The following KCNN2 variants were observed in gnomAD, a reference collection of about 807,000 sequenced individuals.
KCNN2 encodes the protein small conductance calcium-activated potassium channel protein 2.
A neutral mutation model predicts 55.5 loss-of-function variants in KCNN2; 24 were observed. The ratio of observed to expected loss-of-function variants is 0.43; its 90% CI spans 0.31 to 0.61. KCNN2 has a LOEUF of 0.61. Among genes scored for constraint, KCNN2 ranks in the 20% least tolerant of loss-of-function variants. KCNN2 has a pLI of 0.08. For synonymous variants in KCNN2, 431 were observed against 336.1 expected (o/e 1.28, Z -3.09); for missense variants, 754 against 853.6 (o/e 0.88, Z 1.45).
intron 1 of KCNN2, among the ~76,000 whole-genome samples, chr5:114,065,181 A>G (rs907586835): frequency 6.6e-6 from 1 of 152,176 alleles, no homozygotes; most frequent in African/African-American, 2.4e-5. Flanking sequence ...TGCGAAGAGG[A>G]ACTATCCCTT....
At chr5:114,272,352 ACATAC>A (rs774882406) in intron 2 of KCNN2, among the ~76,000 whole-genome samples, 1,851 of 49,516 alleles carry the variant, frequency 0.037, 65 homozygotes, top group African/African-American at 0.044. Context: ...ATATGTATGT[ACATAC>A]CATATACACA....
At chr5:114,166,166 A>C (rs1200290009) in intron 1 of KCNN2, among the ~76,000 whole-genome samples, 1 of 152,078 alleles carries the variant, frequency 6.6e-6, no homozygotes, top group East Asian at 1.9e-4. Flanking sequence ...CTGCTTATCA[A>C]ACTTAATTCT....
chr5:114,369,970 A>G (rs1436765521), intron 2 of KCNN2, among the ~76,000 whole-genome samples: 1 of 152,132 alleles, frequency 6.6e-6, no homozygotes, highest in Non-Finnish European at 1.5e-5. Context: ...ATTTAACTTC[A>G]GAGAAGTTAT....
chr5:114,272,724 T>C lies in KCNN2; in HGVS notation c.-185+51159T>C, dbSNP rs146809188. Among the ~76,000 whole-genome samples the C allele has an allele frequency of 2.5e-4, 38 of 152,288 alleles. 1 individual carries two copies. The East Asian group carries it at 7.3e-3, about 29-fold the overall frequency. ...TGCTGATATAAAGGAAAGCTGTTAATGTTGGCTTTTTTGCCTTATACCCAG... is the reference window on the plus strand; with the variant it reads ...TGCTGATATAAAGGAAAGCTGTTAACGTTGGCTTTTTTGCCTTATACCCAG... On this transcript the variant is annotated intron_variant, in intron 2 of 10. Transcript: ENST00000512097.
intron 1 of KCNN2, among the ~76,000 whole-genome samples, chr5:114,143,621 G>A (rs1752334896): frequency 6.6e-6 from 1 of 152,134 alleles, no homozygotes. Flanking sequence ...TTCTGTGATA[G>A]GAATCTTGGT....
chr5:114,317,817 C>T (rs981962958), intron 2 of KCNN2, among the ~76,000 whole-genome samples: 2 of 152,228 alleles, frequency 1.3e-5, no homozygotes, highest in African/African-American at 4.8e-5. Context: ...CTACAATACT[C>T]ACATATTTAG....
At chr5:114,061,098 C>G (rs770622734) in intron 1 of KCNN2, among the ~76,000 whole-genome samples, 2 of 152,180 alleles carry the variant, frequency 1.3e-5, no homozygotes, top group Non-Finnish European at 2.9e-5. Flanking sequence ...TTTATTCATT[C>G]AACATTCCAT....
rs867101650 is a variant in KCNN2, at chr5:114,479,556, C to G, written c.1890+6392C>G. ...TGAACTCAGCTTTGGATCGAGTGGA[C>G]CTGATAGCAACAGAATACACATTGT... On this transcript the variant is annotated intron_variant, in intron 5 of 7. Coordinates refer to ENST00000673685, the MANE Select transcript of KCNN2 (RefSeq NM_021614.4). Among the ~76,000 whole-genome samples, 3 of 152,222 alleles carry G rather than the reference C, an allele frequency of 2.0e-5. 1 individual carries two copies. Among genetic ancestry groups the G allele is most frequent in the South Asian group, 4.1e-4 (2 of 4,820 alleles).
intron 2 of KCNN2, among the ~76,000 whole-genome samples, chr5:114,328,185 C>T (rs748935798): frequency 2.6e-5 from 4 of 152,092 alleles, no homozygotes; most frequent in Non-Finnish European, 5.9e-5. Context: ...TAACCAGAGT[C>T]CTAATTGTGT....
chr5:114,363,395 C>G (rs372514094), intron 1 of KCNN2, 134 bp downstream of exon 1: 1 of 1,153,234 alleles, frequency 8.7e-7, no homozygotes, highest in Non-Finnish European at 1.2e-6. Context: ...GGACAGCGGG[C>G]GCGTCTAGGA....
chr5:114,232,292 C>T (rs1754378877), intron 2 of KCNN2, among the ~76,000 whole-genome samples: 2 of 151,240 alleles, frequency 1.3e-5, no homozygotes, highest in South Asian at 4.1e-4. Flanking sequence ...CAATTTATAA[C>T]ATTAAATTTA....
intron 5 of KCNN2, among the ~76,000 whole-genome samples, chr5:114,475,750 C>G (rs999499346): frequency 6.6e-6 from 1 of 151,976 alleles, no homozygotes; most frequent in African/African-American, 2.4e-5. Context: ...CGGTCAGAGG[C>G]CCCTTTAGAG....
In KCNN2 at chr5:114,188,401, T is replaced by C. The variant is rs577181025; in HGVS notation, c.-270-33079T>C. On this transcript the variant is annotated intron_variant, in intron 1 of 10. Coordinates refer to the KCNN2 transcript ENST00000512097. The stretch of plus-strand genomic sequence containing the variant: ...ACAGATATTATCTGTATAATATATA[T>C]GTTTCTGTGTCTCAAAAAGCTAGGG... Among the ~76,000 whole-genome samples, 3 of 152,318 alleles carry C rather than the reference T, an allele frequency of 2.0e-5. No homozygotes were observed. In the South Asian group the frequency reaches 6.2e-4, roughly 32 times the overall value.
intron 2 of KCNN2, among the ~76,000 whole-genome samples, chr5:114,292,708 GT>G (rs1755921640): frequency 6.6e-6 from 1 of 152,130 alleles, no homozygotes; most frequent in African/African-American, 2.4e-5. Flanking sequence ...GTTTAAAGTA[GT>G]TTTTTCCAAT....
At chr5:114,208,065 CATA>C (rs1003715935) in intron 1 of KCNN2, among the ~76,000 whole-genome samples, 16 of 152,178 alleles carry the variant, frequency 1.1e-4, no homozygotes, top group Admixed American at 2.0e-4. Context: ...TGAGTCTCTG[CATA>C]TTAGCATTAC....
chr5:114,413,160 A>G (rs186106506), intron 3 of KCNN2, among the ~76,000 whole-genome samples: 2 of 152,368 alleles, frequency 1.3e-5, no homozygotes, highest in Admixed American at 1.3e-4. Flanking sequence ...AATGCTAAGT[A>G]TAATGTTTGC....
At chr5:114,425,930 A>G (rs1759609311) in intron 3 of KCNN2, among the ~76,000 whole-genome samples, 1 of 152,020 alleles carries the variant, frequency 6.6e-6, no homozygotes. Context: ...CTGCAATCCT[A>G]GCACTTTGTG....
intron 2 of KCNN2, among the ~76,000 whole-genome samples, chr5:114,223,915 C>A (rs941816846): frequency 5.9e-5 from 9 of 151,958 alleles, no homozygotes; most frequent in African/African-American, 9.7e-5. Flanking sequence ...GGGGGCAGAA[C>A]AATGTTGGTT....
chr5:114,347,307 G>A (rs1036914208), intron 2 of KCNN2, among the ~76,000 whole-genome samples: 1 of 152,158 alleles, frequency 6.6e-6, no homozygotes, highest in Non-Finnish European at 1.5e-5. Context: ...TAACTTTACA[G>A]TGGAGAAATC....
Sources: allele counts gnomAD v4.1 joint callset (sites outside exome capture counted in the v4.1 genomes callset), GRCh38; gene constraint gnomAD v4.1.1; transcripts MANE v1.5; gene names NCBI Gene and HGNC (gene_info 2026-07-23, HGNC 2026-07-21).